Variants in RAB38 observed in about 807,000 individuals in gnomAD.
RAB38 encodes ras-related protein Rab-38.
In RAB38, 15 loss-of-function variants were observed where a neutral mutation model predicts 18.4. The observed-to-expected ratio is 0.82, with a 90% confidence interval of 0.55 to 1.26. The LOEUF (loss-of-function observed/expected upper bound fraction) is 1.26, where lower values mean the gene tolerates loss of function less well. Among genes scored for constraint, RAB38 ranks in the 50% most tolerant of loss-of-function variants. The probability of loss-of-function intolerance (pLI) is 0.00; values close to 1 mark genes in which losing one functional copy is unlikely to be tolerated. For synonymous variants in RAB38, 101 were observed against 104.4 expected, an observed-to-expected ratio of 0.97 and a Z score of 0.20; for missense variants, 294 against 267.4, an observed-to-expected ratio of 1.10 and a Z score of -0.69.
the RAB38 span, among the ~76,000 whole-genome samples, chr11:87,866,331 A>G: frequency 6.6e-6 from 1 of 151,766 alleles, no homozygotes; most frequent in Non-Finnish European, 1.5e-5. Flanking sequence ...TCTGGCAAGC[A>G]CTAATACTAC....
At chr11:88,095,861 A>T in the RAB38 span, among the ~76,000 whole-genome samples, 2 of 151,636 alleles carry the variant, frequency 1.3e-5, no homozygotes, top group African/African-American at 4.8e-5. Context: ...TTCCTCTCAC[A>T]CCTCACATCC....
chr11:87,879,784 G>A, the RAB38 span: 8 of 151,688 alleles, frequency 5.3e-5, no homozygotes, highest in South Asian at 2.1e-4. Context: ...GACCTTGAGC[G>A]AGTGGCTGTT....
chr11:88,158,151 C>T (rs1161223758), intron 1 of RAB38, among the ~76,000 whole-genome samples: 2 of 152,130 alleles, frequency 1.3e-5, no homozygotes, highest in African/African-American at 4.8e-5. Context: ...GTTATTAACA[C>T]TTCTTTGCAA....
At chr11:87,856,595 T>C in the RAB38 span, among the ~76,000 whole-genome samples, 8,875 of 152,246 alleles carry the variant, frequency 0.058, 383 homozygotes, top group African/African-American at 0.13. Flanking sequence ...AAATTTCTTA[T>C]CATTTCCCAT....
chr11:88,142,981 A>C (rs1181386287), intron 2 of RAB38, among the ~76,000 whole-genome samples: 1 of 152,178 alleles, frequency 6.6e-6, no homozygotes, highest in African/African-American at 2.4e-5. Context: ...CATTTTACTC[A>C]TTTATCTATC....
At chr11:87,953,588 TGTTA>T in the RAB38 span, among the ~76,000 whole-genome samples, 1 of 152,324 alleles carries the variant, frequency 6.6e-6, no homozygotes, top group Non-Finnish European at 1.5e-5. Flanking sequence ...TATTATTTAT[TGTTA>T]ATCTGTTATT....
At chr11:88,171,617 A>G (rs1426659982) in intron 1 of RAB38, among the ~76,000 whole-genome samples, 2 of 152,238 alleles carry the variant, frequency 1.3e-5, no homozygotes, top group African/African-American at 2.4e-5. Context: ...ACCAGCTATT[A>G]TACTGGGAAA....
intron 2 of RAB38, among the ~76,000 whole-genome samples, chr11:88,126,481 C>T (rs932053342): frequency 1.3e-5 from 2 of 152,114 alleles, no homozygotes; most frequent in Admixed American, 6.5e-5. Flanking sequence ...TGTTCTCACT[C>T]ATAGGTCGGA....
the RAB38 span, among the ~76,000 whole-genome samples, chr11:87,911,941 C>A: frequency 6.6e-6 from 1 of 151,602 alleles, no homozygotes; most frequent in Admixed American, 6.6e-5. Flanking sequence ...TGGATTTTGG[C>A]AAAATTTTTT....
At chr11:88,019,077 A>G in the RAB38 span, among the ~76,000 whole-genome samples, 1 of 151,624 alleles carries the variant, frequency 6.6e-6, no homozygotes, top group Admixed American at 6.6e-5. Flanking sequence ...AGTACTCTGC[A>G]ATTCATATTT....
intron 1 of RAB38, chr11:88,167,255 AG>A (rs1401405321): frequency 1.2e-4 from 19 of 152,116 alleles, no homozygotes; most frequent in African/African-American, 4.6e-4. Context: ...ATAAAGGGGA[AG>A]GTAGGTATAC....
chr11:88,030,285 T>C, the RAB38 span, among the ~76,000 whole-genome samples: 1 of 152,172 alleles, frequency 6.6e-6, no homozygotes, highest in Non-Finnish European at 1.5e-5. Context: ...AGGAGAGATC[T>C]AAAATTGTCA....
the RAB38 span, among the ~76,000 whole-genome samples, chr11:87,974,270 G>GA: frequency 4.0e-5 from 6 of 150,576 alleles, no homozygotes; most frequent in Admixed American, 4.0e-4. Context: ...AAGCTCCACA[G>GA]AAAAAATAGA....
chr11:87,817,522 C>T, the RAB38 span: 1 of 152,108 alleles, frequency 6.6e-6, no homozygotes, highest in African/African-American at 2.4e-5. Flanking sequence ...TTCTTATGAG[C>T]TTGCTTCCTG....
chr11:87,882,316 C>T, the RAB38 span, among the ~76,000 whole-genome samples: 6 of 151,826 alleles, frequency 4.0e-5, no homozygotes, highest in Non-Finnish European at 7.4e-5. Flanking sequence ...GTATATAAGG[C>T]TAGGTAGTGG....
the RAB38 span, among the ~76,000 whole-genome samples, chr11:87,878,325 AATCT>A: frequency 2.8e-5 from 4 of 143,084 alleles, no homozygotes; most frequent in Non-Finnish European, 6.2e-5. Context: ...ATCATCTATC[AATCT>A]ATCATCTATC....
At chr11:88,152,053 A>C (rs1943068967) in intron 1 of RAB38, among the ~76,000 whole-genome samples, 1 of 152,210 alleles carries the variant, frequency 6.6e-6, no homozygotes, top group Non-Finnish European at 1.5e-5. Context: ...TTCCCAAATA[A>C]GTTTTAAATT....
At chr11:88,173,509 T>C (rs949188777) in intron 1 of RAB38, 1 of 983,742 alleles carries the variant, frequency 1.0e-6, no homozygotes, top group African/African-American at 1.7e-5. Flanking sequence ...CTTCCATCTC[T>C]TCTGTTTATG....
chr11:88,024,135 C>T, the RAB38 span, among the ~76,000 whole-genome samples: 1 of 152,042 alleles, frequency 6.6e-6, no homozygotes, highest in Non-Finnish European at 1.5e-5. Context: ...AAAATATTTA[C>T]CTATTACCCA....
Sources: allele counts gnomAD v4.1 joint callset (sites outside exome capture counted in the v4.1 genomes callset), GRCh38; gene constraint gnomAD v4.1.1; transcripts MANE v1.5; gene names NCBI Gene and HGNC (gene_info 2026-07-23, HGNC 2026-07-21).